PKHD1L1: variants seen among roughly 807,000 people sequenced by gnomAD.
PKHD1L1 encodes fibrocystin-L.
A neutral mutation model predicts 462.9 loss-of-function variants in PKHD1L1; 434 were observed. That is an observed-to-expected ratio of 0.94 (90% CI 0.87 to 1.02). The LOEUF (loss-of-function observed/expected upper bound fraction) is 1.02. Among genes scored for constraint, PKHD1L1 ranks in the 50% least tolerant of loss-of-function variants. PKHD1L1 has a pLI of 0.00. For missense variants in PKHD1L1, 5,202 were observed against 5,096.1 expected (o/e 1.02, Z -0.63); for synonymous variants, 1,781 against 1,750.0 (o/e 1.02, Z -0.44).
intron 27 of PKHD1L1, among the ~76,000 whole-genome samples, chr8:109,431,459 T>C (rs2130697330): frequency 6.6e-6 from 1 of 152,252 alleles, no homozygotes; most frequent in South Asian, 2.1e-4. Context: ...TACATAACTC[T>C]CGAGGGACAA....
chr8:109,374,035 T>A (rs943308440), intron 2 of PKHD1L1, among the ~76,000 whole-genome samples: 7 of 152,200 alleles, frequency 4.6e-5, no homozygotes, highest in Non-Finnish European at 7.3e-5. Flanking sequence ...GGTGCAGAGC[T>A]GAGTTCAATT....
At chr8:109,466,325 T>G (rs1313118850) in intron 49 of PKHD1L1, among the ~76,000 whole-genome samples, 2 of 152,122 alleles carry the variant, frequency 1.3e-5, no homozygotes, top group Non-Finnish European at 2.9e-5. Flanking sequence ...ACTTCCCATT[T>G]CCAAGTTTGA....
intron 12 of PKHD1L1, among the ~76,000 whole-genome samples, chr8:109,398,892 C>T (rs1281380762): frequency 6.6e-6 from 1 of 151,706 alleles, no homozygotes; most frequent in African/African-American, 2.4e-5. Flanking sequence ...ATGCCTTTTT[C>T]TGATTAAAAA....
chr8:109,489,156 G>A (rs1268534512), intron 59 of PKHD1L1, among the ~76,000 whole-genome samples: 1 of 151,844 alleles, frequency 6.6e-6, no homozygotes, highest in Non-Finnish European at 1.5e-5. Flanking sequence ...TTTTAAGGTA[G>A]GCTTTCCTTT....
chr8:109,390,860 CT>C (rs1267877917), intron 9 of PKHD1L1, among the ~76,000 whole-genome samples: 1 of 151,890 alleles, frequency 6.6e-6, no homozygotes, highest in Non-Finnish European at 1.5e-5. Flanking sequence ...TTAATATTAC[CT>C]GATAAAGATT....
At chr8:109,450,854 T>C (rs1816448138) in intron 40 of PKHD1L1, 121 bp from the exon 41 acceptor site, 3 of 945,894 alleles carry the variant, frequency 3.2e-6, no homozygotes, top group Admixed American at 5.4e-5. Context: ...GTAGCCTAGG[T>C]ATATTGGAAA....
chr8:109,411,652 TCTG>T (rs1813862216), intron 19 of PKHD1L1, among the ~76,000 whole-genome samples: 1 of 152,122 alleles, frequency 6.6e-6, no homozygotes. Flanking sequence ...CTCTCACACC[TCTG>T]CTTTTTTGCA....
rs1405768270 is a variant in PKHD1L1, at chr8:109,464,930, A to G, written c.8098A>G (p.Asn2700Asp). The G allele has an allele frequency of 1.2e-6, 2 of 1,613,858 alleles. No homozygotes were observed. Among genetic ancestry groups the G allele is most frequent in the South Asian group, 2.2e-5 (2 of 91,090 alleles). Residue 2700 changes from asparagine (N) to aspartate (D), a missense_variant, in exon 49 of 78, where the codon AAT becomes GAT. Physicochemically the swap from Asn to Asp is conservative, Grantham distance 23. This residue lies in a region of PKHD1L1 where 4,497 missense variants were observed against 4,336.8 expected (regional missense o/e 1.04). Coordinates refer to ENST00000378402, the MANE Select transcript of PKHD1L1 (RefSeq NM_177531.6). ...TTATGTTGGAGGGTGGGGTGAAACC[A>G]ATGGAGCGGTGATTAAAAATGCCAA... ...APYVGGWGET[N>D]GAVIKNAKIV... is the part of the protein sequence containing the mutation.
chr8:109,512,521 T>C (rs1480857850), intron 71 of PKHD1L1, among the ~76,000 whole-genome samples: 1 of 152,234 alleles, frequency 6.6e-6, no homozygotes, highest in Non-Finnish European at 1.5e-5. Context: ...TGCGGCATTA[T>C]TTCTGAGGGC....
chr8:109,445,337 T>C lies in PKHD1L1; in HGVS notation c.5468T>C (p.Leu1823Pro), dbSNP rs1420972953. Residue 1823 changes from leucine (L) to proline (P), a missense_variant, in exon 38 of 78, where the codon CTG (leucine) becomes CCG (proline). Physicochemically the swap from Leu to Pro is moderately conservative, Grantham distance 98 (BLOSUM62 -3). This residue lies in a region of PKHD1L1 where 4,497 missense variants were observed against 4,336.8 expected (regional missense o/e 1.04). Transcript: ENST00000378402. ...SVVVGSKGLA[L>P]GNLTVSSPPV... ...GTGGTGGGAAGTAAAGGCTTGGCTC[T>C]GGGAAACCTGACTGTCAGCAGCCCC... The C allele has an allele frequency of 6.2e-7, 1 of 1,613,988 alleles. No individual in the cohort carries two copies. Among genetic ancestry groups the C allele is most frequent in the Admixed American group, 1.7e-5 (1 of 60,016 alleles).
At position 109,433,236 on chromosome 8, in the gene PKHD1L1, A is replaced by G. The variant is rs376575879; in HGVS notation, c.3340+20A>G. ...TGGATGGTAGGTCCTTTTAAAAACT[A>G]TTAAGTCTAATTGTTCTTCTCTAAG... is the stretch of plus-strand genomic sequence containing the variant. On this transcript the variant is annotated intron_variant, in intron 28 of 77. Transcript: ENST00000378402. 62 of 1,519,122 alleles carry G rather than the reference A, an allele frequency of 4.1e-5. No homozygotes were observed. Among genetic ancestry groups the G allele is most frequent in the East Asian group, 3.6e-4 (16 of 44,334 alleles). 94.1% of individuals were successfully genotyped at this position (1,519,122 alleles called of 1,614,324 possible). A position where few individuals can be genotyped will look rare whatever the true frequency, so the allele number is the denominator to read the frequency against.
At chr8:109,381,761 T>C (rs1177521601) in intron 3 of PKHD1L1, among the ~76,000 whole-genome samples, 3 of 152,138 alleles carry the variant, frequency 2.0e-5, no homozygotes, top group Non-Finnish European at 2.9e-5. Context: ...ACCTTATTGT[T>C]GAGCATTTTT....
At position 109,526,664 on chromosome 8, in the gene PKHD1L1, T is replaced by G. The variant is rs1820829942; in HGVS notation, c.12485-120T>G. On this transcript the variant is annotated intron_variant, in intron 76 of 77. Coordinates refer to ENST00000378402, the MANE Select transcript of PKHD1L1 (RefSeq NM_177531.6). ...TAAACTAATTTATTTGACTCAACTT[T>G]CAAAAATATTTCATCAGGATCTATA... 4.0e-5 allele frequency: 36 copies of G among 892,930 alleles called. No homozygotes were observed. In the South Asian group the frequency reaches 6.5e-4, roughly 16 times the overall value. 55.3% of individuals were successfully genotyped at this position (892,930 alleles called of 1,614,324 possible).
intron 23 of PKHD1L1, 27 bp from the exon 24 acceptor site, chr8:109,425,058 T>G: frequency 6.6e-7 from 1 of 1,512,194 alleles, no homozygotes; most frequent in South Asian, 1.3e-5. Flanking sequence ...GTTTAATCAT[T>G]TTATCAATAT....
chr8:109,457,024 A>C (rs1816864027), intron 46 of PKHD1L1, among the ~76,000 whole-genome samples: 1 of 151,968 alleles, frequency 6.6e-6, no homozygotes, highest in African/African-American at 2.4e-5. Context: ...AAGACATAAA[A>C]GAAAGAAAAT....
intron 2 of PKHD1L1, among the ~76,000 whole-genome samples, chr8:109,377,109 A>G (rs1288143998): frequency 6.6e-6 from 1 of 152,252 alleles, no homozygotes; most frequent in East Asian, 1.9e-4. Context: ...GTTGTACCAC[A>G]GATATCTTCT....
intron 23 of PKHD1L1, among the ~76,000 whole-genome samples, chr8:109,421,558 G>A (rs1012257412): frequency 6.6e-6 from 1 of 152,018 alleles, no homozygotes; most frequent in Non-Finnish European, 1.5e-5. Context: ...CGAGACGGGC[G>A]GATCATGAGG....
rs1821151513 is a variant in PKHD1L1, at chr8:109,536,658, C to A, written c.*6568C>A. Among the ~76,000 whole-genome samples, 1 of 152,112 alleles carries A rather than the reference C, an allele frequency of 6.6e-6. No individual in the cohort carries two copies. Among genetic ancestry groups the A allele is most frequent in the Non-Finnish European group, 1.5e-5 (1 of 68,004 alleles). Reference sequence around the variant, plus strand: ...AAAATGAGAATTCACCTCATCTTTTCATTTGAATTTATTTCTACTAAAATA... The same window carrying A: ...AAAATGAGAATTCACCTCATCTTTTAATTTGAATTTATTTCTACTAAAATA... On this transcript the variant is annotated 3_prime_UTR_variant, in exon 78 of 78. Coordinates refer to ENST00000378402, the MANE Select transcript of PKHD1L1 (RefSeq NM_177531.6).
chr8:109,515,168 A>T lies in PKHD1L1; in HGVS notation c.11554-2A>T. On this transcript the variant is annotated splice_acceptor_variant, in intron 71 of 77. Transcript: ENST00000378402. LOFTEE classifies it high-confidence loss of function. ...TTCTTAAAACTTTTTTTTCTTTAAT[A>T]GGCTGTTCTAGTAGGAATTTTCTTT... 2 of 1,567,506 alleles carry T rather than the reference A, an allele frequency of 1.3e-6. No homozygotes were observed. The highest frequency in any genetic ancestry group is 2.0e-5 in the Admixed American group (1 of 50,930).
Sources: gnomAD v4.1 joint callset for allele counts (sites outside exome capture counted in the v4.1 genomes callset) on GRCh38, gnomAD v4.1.1 for gene constraint, gnomAD v4.1.1 regional missense constraint, MANE v1.5 for transcripts, NCBI Gene and HGNC (gene_info 2026-07-23, HGNC 2026-07-21) for gene names.